PDE1A: variants seen among roughly 807,000 people sequenced by gnomAD.
The protein encoded by PDE1A is phosphodiesterase 1A, also known as dual specificity calcium/calmodulin-dependent 3',5'-cyclic nucleotide phosphodiesterase 1A.
Under a neutral mutation model 61.7 loss-of-function variants are expected in PDE1A, and 35 were observed. That is an observed-to-expected ratio of 0.57 (90% CI 0.43 to 0.75). PDE1A has a LOEUF of 0.75. Among genes scored for constraint, PDE1A ranks in the 30% least tolerant of loss-of-function variants. The probability of loss-of-function intolerance (pLI) is 0.00; values close to 1 mark genes in which losing one functional copy is unlikely to be tolerated. For synonymous variants in PDE1A, 232 were observed against 213.2 expected (o/e 1.09, Z -0.77); for missense variants, 597 against 630.6 (o/e 0.95, Z 0.57).
intron 6 of PDE1A, among the ~76,000 whole-genome samples, chr2:182,226,848 C>T (rs1022349322): frequency 1.4e-5 from 2 of 139,300 alleles, no homozygotes; most frequent in Non-Finnish European, 2.9e-5. Flanking sequence ...CAGTCATCAA[C>T]TTATAAGGAG....
chr2:182,475,843 C>T (rs1013521510), intron 2 of PDE1A, among the ~76,000 whole-genome samples: 2 of 151,838 alleles, frequency 1.3e-5, no homozygotes, highest in Non-Finnish European at 2.9e-5. Flanking sequence ...TGCTTGTTTA[C>T]CAAAATGTTA....
At chr2:182,640,684 T>C in the PDE1A span, among the ~76,000 whole-genome samples, 1 of 152,074 alleles carries the variant, frequency 6.6e-6, no homozygotes, top group South Asian at 2.1e-4. Context: ...ATTATATTCA[T>C]GAAAGCAACC....
At chr2:182,698,678 C>T in the PDE1A span, among the ~76,000 whole-genome samples, 1 of 152,122 alleles carries the variant, frequency 6.6e-6, no homozygotes, top group Non-Finnish European at 1.5e-5. Flanking sequence ...ATTAGCGTGG[C>T]AAATAAAAAC....
chr2:182,405,509 T>A (rs1445715560), intron 1 of PDE1A, among the ~76,000 whole-genome samples: 1 of 152,202 alleles, frequency 6.6e-6, no homozygotes, highest in Non-Finnish European at 1.5e-5. Flanking sequence ...GCTCCTTTTA[T>A]CTACTGTGGT....
At chr2:182,364,233 A>G (rs1318719200) in intron 1 of PDE1A, among the ~76,000 whole-genome samples, 2 of 151,798 alleles carry the variant, frequency 1.3e-5, no homozygotes, top group Non-Finnish European at 2.9e-5. Flanking sequence ...TGTGGCCAAG[A>G]GCCAGGCAGG....
At chr2:182,523,776 A>T (rs1049637760), upstream of PDE1A, among the ~76,000 whole-genome samples, 2 of 152,196 alleles carry the variant, frequency 1.3e-5, no homozygotes, top group Non-Finnish European at 2.9e-5. Flanking sequence ...TGAGAAACAG[A>T]GACATTCTCC....
intron 1 of PDE1A, among the ~76,000 whole-genome samples, chr2:182,398,234 GCAGA>G (rs145949283): frequency 0.056 from 8,442 of 151,724 alleles, 744 homozygotes; most frequent in African/African-American, 0.19. Flanking sequence ...CACTTAAGAG[GCAGA>G]CAGATATTTA....
At chr2:182,637,020 C>T in the PDE1A span, among the ~76,000 whole-genome samples, 2 of 152,156 alleles carry the variant, frequency 1.3e-5, no homozygotes, top group East Asian at 1.9e-4. Flanking sequence ...TCTCTAACTC[C>T]GCCTGAAAAA....
intron 2 of PDE1A, among the ~76,000 whole-genome samples, chr2:182,253,317 A>T (rs992039656): frequency 2.0e-5 from 3 of 152,208 alleles, no homozygotes; most frequent in African/African-American, 7.2e-5. Flanking sequence ...AAAAACAGTT[A>T]AAAGTAAGTT....
intron 2 of PDE1A, among the ~76,000 whole-genome samples, chr2:182,498,032 C>A (rs538035358): frequency 9.3e-5 from 11 of 118,390 alleles, no homozygotes; most frequent in Non-Finnish European, 1.6e-4. Context: ...TGCGACAGAG[C>A]GAGATTGCGT....
At chr2:182,484,698 G>A (rs1361854159) in intron 2 of PDE1A, among the ~76,000 whole-genome samples, 1 of 151,634 alleles carries the variant, frequency 6.6e-6, no homozygotes, top group African/African-American at 2.4e-5. Flanking sequence ...TAAAAAGTGG[G>A]CAAAAGACAT....
intron 1 of PDE1A, among the ~76,000 whole-genome samples, chr2:182,287,576 C>A (rs1694250753): frequency 6.6e-6 from 1 of 152,034 alleles, no homozygotes; most frequent in Non-Finnish European, 1.5e-5. Flanking sequence ...GTTTGCTGAA[C>A]TTTCTGTGCA....
chr2:182,537,447 A>G, the PDE1A span, among the ~76,000 whole-genome samples: 1 of 152,128 alleles, frequency 6.6e-6, no homozygotes, highest in African/African-American at 2.4e-5. Flanking sequence ...GAGTTGAACA[A>G]TGAGAACATA....
rs543579924 is a variant in PDE1A at position 182,462,969 on chromosome 2, G to A, written c.101+59307C>T. Among the ~76,000 whole-genome samples the A allele has an allele frequency of 1.9e-3, 294 of 152,168 alleles. 1 individual carries two copies. The highest frequency in any genetic ancestry group is 6.7e-3 in the African/African-American group (278 of 41,538). On this transcript the variant is annotated intron_variant, in intron 2 of 14. Coordinates refer to the PDE1A transcript ENST00000410103. ...ACAATTCTAAGGGTAGGCCGGGTGCGGTGGCTCACACCTGTAATCCCAGCA... is the reference window on the plus strand; with the variant it reads ...ACAATTCTAAGGGTAGGCCGGGTGCAGTGGCTCACACCTGTAATCCCAGCA...
intron 2 of PDE1A, among the ~76,000 whole-genome samples, chr2:182,440,488 C>T (rs1048730897): frequency 9.2e-5 from 14 of 152,016 alleles, no homozygotes; most frequent in African/African-American, 3.4e-4. Context: ...TGACTATATG[C>T]AGACATCATA....
the PDE1A span, among the ~76,000 whole-genome samples, chr2:182,567,482 T>C: frequency 7.2e-5 from 11 of 152,218 alleles, no homozygotes; most frequent in African/African-American, 2.7e-4. Context: ...CATTTAGACA[T>C]GAAATACCAC....
chr2:182,335,958 G>C (rs975045648), intron 1 of PDE1A, among the ~76,000 whole-genome samples: 10 of 151,986 alleles, frequency 6.6e-5, no homozygotes, highest in African/African-American at 2.4e-4. Flanking sequence ...GTGGGCAAAG[G>C]ATATGAACAG....
At chr2:182,282,348 A>G (rs899206998) in intron 1 of PDE1A, among the ~76,000 whole-genome samples, 7 of 152,006 alleles carry the variant, frequency 4.6e-5, no homozygotes, top group African/African-American at 1.7e-4. Context: ...ATTTCAAGTT[A>G]GTGACCTGGG....
At chr2:182,350,246 T>C (rs1174256532) in intron 1 of PDE1A, among the ~76,000 whole-genome samples, 1 of 152,238 alleles carries the variant, frequency 6.6e-6, no homozygotes, top group African/African-American at 2.4e-5. Context: ...TGTTTGTGGA[T>C]GTACTCTGTT....
Sources: allele counts gnomAD v4.1 joint callset (sites outside exome capture counted in the v4.1 genomes callset), GRCh38; gene constraint gnomAD v4.1.1; transcripts MANE v1.5; gene names NCBI Gene and HGNC (gene_info 2026-07-23, HGNC 2026-07-21).